TIGD4: variants seen among roughly 807,000 people sequenced by gnomAD.
TIGD4 encodes tigger transposable element-derived protein 4.
Under a neutral mutation model 24.9 loss-of-function variants are expected in TIGD4, and 20 were observed. That is an observed-to-expected ratio of 0.80 (90% CI 0.56 to 1.17). The LOEUF (loss-of-function observed/expected upper bound fraction) is 1.17, where lower values mean the gene tolerates loss of function less well. TIGD4 is among the 50% of genes most tolerant of loss of function. The pLI is 0.00. For synonymous variants in TIGD4, 193 were observed against 211.0 expected (o/e 0.91, Z 0.74); for missense variants, 566 against 591.0 (o/e 0.96, Z 0.44).
chr4:152,778,174 G>A (rs1336817019), intron 1 of TIGD4, among the ~76,000 whole-genome samples: 1 of 152,156 alleles, frequency 6.6e-6, no homozygotes, highest in African/African-American at 2.4e-5. Flanking sequence ...ACACTTCAGA[G>A]TCTGACAGTC....
At chr4:152,777,143 C>T (rs1730272413) in intron 1 of TIGD4, among the ~76,000 whole-genome samples, 1 of 100,400 alleles carries the variant, frequency 1.0e-5, no homozygotes, top group Non-Finnish European at 2.1e-5. Context: ...TAGCACTTTT[C>T]CTTCAGGTAT....
At chr4:152,778,596 A>G (rs114403172) in intron 1 of TIGD4, among the ~76,000 whole-genome samples, 2 of 152,318 alleles carry the variant, frequency 1.3e-5, no homozygotes, top group African/African-American at 4.8e-5. Flanking sequence ...ACCACTTAAG[A>G]TAAGAGATTT....
chr4:152,769,619 A>G lies in TIGD4; in HGVS notation c.1386T>C (p.Ser462=). ...YTSDEEDDDG[S]PGTELPLPSK... ...ATGGTAAAGGGAGTTCAGTTCCTGGAGATCCATCATCATCCTCTTCATCAG... is the reference window on the plus strand; with the variant it reads ...ATGGTAAAGGGAGTTCAGTTCCTGGGGATCCATCATCATCCTCTTCATCAG... The change falls in exon 2 of 2, where the codon TCT becomes TCC. Residue 462 remains serine, a synonymous_variant. Coordinates refer to ENST00000304337, the MANE Select transcript of TIGD4 (RefSeq NM_145720.4). The G allele has an allele frequency of 1.2e-6, 2 of 1,613,714 alleles. No individual in the cohort carries two copies. The highest frequency in any genetic ancestry group is 2.2e-5 in the South Asian group (2 of 90,970).
rs1368964332 is a variant in TIGD4 at position 152,769,413 on chromosome 4, T to C, written c.*53A>G. The C allele has an allele frequency of 1.6e-6, 2 of 1,276,654 alleles. No individual in the cohort carries two copies. Among genetic ancestry groups the C allele is most frequent in the Non-Finnish European group, 2.1e-6 (2 of 938,646 alleles). The allele number at this position is 1,276,654 out of a possible 1,614,324, so 79.1% of individuals were successfully genotyped here. On this transcript the variant is annotated 3_prime_UTR_variant, in exon 2 of 2. Transcript: ENST00000304337. ...TGGTACAACTCCTTTACATACCTTA[T>C]ATAATAAAATGTATCAGGAAAAGCT...
Position 152,769,509 on chromosome 4 carries a change from A to G in TIGD4, c.1496T>C (p.Leu499Ser). 1 of 1,582,700 alleles carries G rather than the reference A, an allele frequency of 6.3e-7. No homozygotes were observed. The highest frequency in any genetic ancestry group is 8.6e-7 in the Non-Finnish European group (1 of 1,166,502). Residue 499 changes from leucine (L) to serine (S), a missense_variant, in exon 2 of 2, where the codon TTA becomes TCA. Transcript: ENST00000304337. ...GTTAATAAAATTTTCAAGGTCTGCT[A>G]AAGAATTTTGAAGTCCGTCATTCAT... ...QDMNDGLQNSLADLENFINSL... is the reference protein window; with the variant it reads ...QDMNDGLQNSSADLENFINSL...
At position 152,777,206 on chromosome 4, in the gene TIGD4, T is replaced by G. The variant is rs192027015; in HGVS notation, c.-539+2276A>C. ...AGGCCAGATCTTGGTAAGCCTTTAA[T>G]GCCAGGATAAAGAATTAGACTTCAT... On this transcript the variant is annotated intron_variant, in intron 1 of 1. Transcript: ENST00000304337. 4.0e-3 allele frequency among the ~76,000 whole-genome samples: 612 copies of G among 152,294 alleles called. 5 individuals carry two copies. The highest frequency in any genetic ancestry group is 0.014 in the African/African-American group (579 of 41,558).
rs184787674 is a variant in TIGD4, at chr4:152,778,741, G to A, written c.-539+741C>T. On this transcript the variant is annotated intron_variant, in intron 1 of 1. Transcript: ENST00000304337. ...CAGATCTGGGGAAGATACCTGCCAG[G>A]GATATTTCACTACACTGAAACTCCC... is the stretch of plus-strand genomic sequence containing the variant. Among the ~76,000 whole-genome samples the A allele has an allele frequency of 5.7e-3, 861 of 152,180 alleles. 3 individuals carry two copies. Among genetic ancestry groups the A allele is most frequent in the Admixed American group, 6.2e-3 (95 of 15,292 alleles).
At position 152,769,473 on chromosome 4, in the gene TIGD4, G is replaced by A. The variant is rs143249561; in HGVS notation, c.1532C>T (p.Pro511Leu). ...DLENFINSLS[P>L]K ...TAGATGTACAATACATAGTTACTTA[G>A]GTGATAAAGAGTTAATAAAATTTTC... The change falls in exon 2 of 2, where the codon CCT becomes CTT. Residue 511 changes from proline (P) to leucine (L), a missense_variant. Pro to Leu is a moderately conservative substitution (Grantham distance 98). Coordinates refer to ENST00000304337, the MANE Select transcript of TIGD4 (RefSeq NM_145720.4). 1.4e-5 allele frequency: 21 copies of A among 1,525,542 alleles called. No homozygotes were observed. In the African/African-American group the frequency reaches 2.1e-4, roughly 15 times the overall value. 94.5% of individuals were successfully genotyped at this position (1,525,542 alleles called of 1,614,324 possible). A position where few individuals can be genotyped will look rare whatever the true frequency, so the allele number is the denominator to read the frequency against.
chr4:152,775,656 C>T (rs1177126086), intron 1 of TIGD4, among the ~76,000 whole-genome samples: 1 of 152,198 alleles, frequency 6.6e-6, no homozygotes, highest in Non-Finnish European at 1.5e-5. Flanking sequence ...TGTAGAGTCT[C>T]TTTCACACTT....
intron 1 of TIGD4, among the ~76,000 whole-genome samples, chr4:152,778,444 T>C (rs975489991): frequency 2.6e-5 from 4 of 152,200 alleles, no homozygotes; most frequent in Non-Finnish European, 5.9e-5. Flanking sequence ...TGGGATTATT[T>C]TCTTATAATT....
Position 152,770,634 on chromosome 4 carries a change from T to C in TIGD4, c.371A>G (p.Asn124Ser), listed in dbSNP as rs777847752. Residue 124 changes from asparagine to serine, a missense_variant, in exon 2 of 2, where the codon AAT becomes AGT. By Grantham distance (46) the Asn-to-Ser change is conservative. Coordinates refer to ENST00000304337, the MANE Select transcript of TIGD4 (RefSeq NM_145720.4). Reference sequence around the variant, plus strand: ...CCAACCATTACTGCACTTAAAATCATTATGGCCCAGTTTCTGGGCAAAATC... The same window carrying C: ...CCAACCATTACTGCACTTAAAATCACTATGGCCCAGTTTCTGGGCAAAATC... The part of the protein sequence containing the change: ...ANDFAQKLGH[N>S]DFKCSNGWLD... 4.4e-6 allele frequency: 7 copies of C among 1,603,392 alleles called. No homozygotes were observed. In the Admixed American group the frequency reaches 5.2e-5, roughly 12 times the overall value.
rs1457071252 is a variant in TIGD4 at position 152,771,100 on chromosome 4, T to C, written c.-96A>G. On this transcript the variant is annotated 5_prime_UTR_variant, in exon 2 of 2. Transcript: ENST00000304337. ...TTCCAGTATAATATAGATTGCTGCT[T>C]TCTATCCTACTTTATACACTAAAAG... is the stretch of plus-strand genomic sequence containing the variant. 7.1e-7 allele frequency: 1 copy of C among 1,398,822 alleles called. No individual in the cohort carries two copies. Among genetic ancestry groups the C allele is most frequent in the Non-Finnish European group, 9.4e-7 (1 of 1,062,522 alleles). The allele number at this position is 1,398,822 out of a possible 1,614,324, so 86.7% of individuals were successfully genotyped here.
intron 1 of TIGD4, among the ~76,000 whole-genome samples, chr4:152,776,795 T>A (rs937204194): frequency 5.9e-5 from 9 of 152,154 alleles, no homozygotes; most frequent in African/African-American, 2.2e-4. Context: ...CCATCTTATT[T>A]ATCATGGGAA....
chr4:152,773,666 A>AAAG (rs1554018755), intron 1 of TIGD4, among the ~76,000 whole-genome samples: 12 of 127,836 alleles, frequency 9.4e-5, no homozygotes, highest in African/African-American at 3.6e-4. Flanking sequence ...AAAAAAAAAA[A>AAAG]GCAACATTAG....
Position 152,769,912 on chromosome 4 carries a change from C to T in TIGD4, c.1093G>A (p.Ala365Thr). 6.2e-7 allele frequency: 1 copy of T among 1,613,642 alleles called. No homozygotes were observed. The highest frequency in any genetic ancestry group is 1.3e-5 in the African/African-American group (1 of 75,016). Residue 365 changes from alanine to threonine, a missense_variant, in exon 2 of 2, where the codon GCT becomes ACT. Coordinates refer to ENST00000304337, the MANE Select transcript of TIGD4 (RefSeq NM_145720.4). Reference protein sequence around the residue: ...AVDTLHLCWRAVTPETIVKSY... With the variant: ...AVDTLHLCWRTVTPETIVKSY... ...TTAACAATAGTCTCTGGGGTTACAG[C>T]CCTCCAGCAAAGATGCAATGTATCA...
chr4:152,778,180 C>T (rs763458984), intron 1 of TIGD4, among the ~76,000 whole-genome samples: 12 of 152,284 alleles, frequency 7.9e-5, no homozygotes, highest in Non-Finnish European at 1.6e-4. Context: ...CAGAGTCTGA[C>T]AGTCTAATAG....
At chr4:152,773,567 T>C (rs1483330094) in intron 1 of TIGD4, among the ~76,000 whole-genome samples, 1 of 148,450 alleles carries the variant, frequency 6.7e-6, no homozygotes, top group Non-Finnish European at 1.5e-5. Context: ...TGAATCACAC[T>C]GGTGGGACCT....
intron 1 of TIGD4, among the ~76,000 whole-genome samples, chr4:152,778,191 T>G (rs1313777543): frequency 6.6e-6 from 1 of 152,180 alleles, no homozygotes; most frequent in Non-Finnish European, 1.5e-5. Context: ...AGTCTAATAG[T>G]TAGACTAACT....
rs981919272 is a variant in TIGD4, at chr4:152,771,365, A to T, written c.-361T>A. The T allele has an allele frequency of 2.3e-5, 4 of 177,464 alleles. No homozygotes were observed. Among genetic ancestry groups the T allele is most frequent in the Non-Finnish European group, 4.0e-5 (3 of 75,608 alleles). The allele number at this position is 177,464 out of a possible 1,614,324, so 11.0% of individuals were successfully genotyped here. A position where few individuals can be genotyped will look rare whatever the true frequency, so the allele number is the denominator to read the frequency against. ...ATTTTTGGAACTTCAATCCTTTAAG[A>T]TGATCCATTTTATCCATGCACACAT... On this transcript the variant is annotated 5_prime_UTR_variant, in exon 2 of 2. Coordinates refer to ENST00000304337, the MANE Select transcript of TIGD4 (RefSeq NM_145720.4).
Sources: gnomAD v4.1 joint callset for allele counts (sites outside exome capture counted in the v4.1 genomes callset) on GRCh38, gnomAD v4.1.1 for gene constraint, MANE v1.5 for transcripts, NCBI Gene and HGNC (gene_info 2026-07-23, HGNC 2026-07-21) for gene names.